The following RNF220 variants were observed in gnomAD, a reference collection of about 807,000 sequenced individuals.
RNF220 encodes ring finger protein 220.
RNF220 carries 7 observed loss-of-function variants against 67.1 expected under a neutral mutation model. The ratio of observed to expected loss-of-function variants is 0.10; its 90% CI spans 0.06 to 0.20. RNF220 has a LOEUF of 0.20. Among genes scored for constraint, RNF220 ranks in the 10% least tolerant of loss-of-function variants. The pLI is 1.00. For missense variants in RNF220, 565 were observed against 740.3 expected, an observed-to-expected ratio of 0.76 and a Z score of 2.75; for synonymous variants, 270 against 283.2, an observed-to-expected ratio of 0.95 and a Z score of 0.47.
chr1:44,444,842 T>A (rs1433006137), intron 2 of RNF220, among the ~76,000 whole-genome samples: 1 of 152,222 alleles, frequency 6.6e-6, no homozygotes, highest in East Asian at 1.9e-4. Context: ...TTTATGTGTA[T>A]CCTGGTGTAC....
chr1:44,419,429 TAAGTA>T (rs1648966760), intron 2 of RNF220: 1 of 152,236 alleles, frequency 6.6e-6, no homozygotes, highest in Non-Finnish European at 1.5e-5. Context: ...TGGTAGATGC[TAAGTA>T]AACAGAAGGA....
intron 2 of RNF220, among the ~76,000 whole-genome samples, chr1:44,583,507 C>T (rs1465665481): frequency 6.6e-6 from 1 of 152,182 alleles, no homozygotes; most frequent in Non-Finnish European, 1.5e-5. Context: ...TGTCCCTATT[C>T]CAAATGTTTT....
At chr1:44,482,920 CTTTTTTTTTTTTTT>C (rs34268893) in intron 2 of RNF220, among the ~76,000 whole-genome samples, 5 of 69,156 alleles carry the variant, frequency 7.2e-5, no homozygotes, top group South Asian at 6.1e-4. Context: ...CACACCCAGC[CTTTTTTTTTTTTTT>C]TTTTTTTTTT....
intron 5 of RNF220, 38 bp from the exon 6 acceptor site, chr1:44,632,305 C>G (rs780269528): frequency 1.9e-6 from 3 of 1,613,980 alleles, no homozygotes; most frequent in South Asian, 1.1e-5. Context: ...CTGACGCTCT[C>G]TTTTCTTTTC....
intron 2 of RNF220, among the ~76,000 whole-genome samples, chr1:44,582,499 G>A (rs1357735159): frequency 6.6e-6 from 1 of 152,212 alleles, no homozygotes; most frequent in Non-Finnish European, 1.5e-5. Flanking sequence ...GCTCACGCCT[G>A]TAATCCCAGC....
At chr1:44,468,900 G>C (rs575292248) in intron 2 of RNF220, among the ~76,000 whole-genome samples, 46 of 149,032 alleles carry the variant, frequency 3.1e-4, no homozygotes, top group Middle Eastern at 3.5e-3. Context: ...CTGGGCAACA[G>C]AGCGAGACTC....
At chr1:44,414,898 C>T (rs1196650712) in intron 2 of RNF220, among the ~76,000 whole-genome samples, 1 of 150,278 alleles carries the variant, frequency 6.7e-6, no homozygotes, top group Admixed American at 6.7e-5. Context: ...GGAGGGTGTT[C>T]GTACACCCTC....
chr1:44,453,337 T>C (rs1321944585), intron 2 of RNF220, among the ~76,000 whole-genome samples: 2 of 152,188 alleles, frequency 1.3e-5, no homozygotes, highest in Non-Finnish European at 2.9e-5. Context: ...CCATATTTAG[T>C]AGTTGCAACT....
chr1:44,583,437 A>T (rs186708401), intron 2 of RNF220, among the ~76,000 whole-genome samples: 1 of 152,336 alleles, frequency 6.6e-6, no homozygotes, highest in Non-Finnish European at 1.5e-5. Flanking sequence ...GTTCAAACAG[A>T]TACTAGAAAT....
chr1:44,479,991 A>C (rs898374519), intron 2 of RNF220, among the ~76,000 whole-genome samples: 1 of 152,234 alleles, frequency 6.6e-6, no homozygotes, highest in African/African-American at 2.4e-5. Context: ...AAATAATACA[A>C]GTTGCTATTA....
At chr1:44,446,014 A>G (rs140844604) in intron 2 of RNF220, among the ~76,000 whole-genome samples, 1 of 152,296 alleles carries the variant, frequency 6.6e-6, no homozygotes, top group Non-Finnish European at 1.5e-5. Flanking sequence ...TTAGACTGTA[A>G]ATTCCTTGAG....
chr1:44,500,902 G>T (rs1018226859), intron 2 of RNF220, among the ~76,000 whole-genome samples: 2 of 152,244 alleles, frequency 1.3e-5, no homozygotes, highest in Non-Finnish European at 2.9e-5. Flanking sequence ...GGGCTCGGGA[G>T]CCAGGGGCGA....
At chr1:44,608,743 G>A (rs1035518633) in intron 2 of RNF220, among the ~76,000 whole-genome samples, 1 of 152,216 alleles carries the variant, frequency 6.6e-6, no homozygotes, top group African/African-American at 2.4e-5. Context: ...AGATATATGG[G>A]TAATGATGGA....
chr1:44,550,774 GT>G (rs1662564210), intron 2 of RNF220, among the ~76,000 whole-genome samples: 1 of 152,178 alleles, frequency 6.6e-6, no homozygotes, highest in Non-Finnish European at 1.5e-5. Context: ...GAGTGTATGT[GT>G]AGCTTCAGCA....
In RNF220 at chr1:44,549,237, T is replaced by C. The variant is rs903444356; in HGVS notation, c.626-64928T>C. 4.6e-5 allele frequency among the ~76,000 whole-genome samples: 7 copies of C among 152,148 alleles called. 1 individual carries two copies. The highest frequency in any genetic ancestry group is 1.4e-4 in the African/African-American group (6 of 41,438). On this transcript the variant is annotated intron_variant, in intron 2 of 14. Transcript: ENST00000361799. ...AAACAGCTATGATGTAGCATTGCAA[T>C]GTTGATATACAAGGCCATCTTTCCC...
At chr1:44,469,937 C>T (rs1654653807) in intron 2 of RNF220, among the ~76,000 whole-genome samples, 1 of 152,278 alleles carries the variant, frequency 6.6e-6, no homozygotes, top group East Asian at 1.9e-4. Flanking sequence ...GGAGTTCTTA[C>T]TCTTAAGAAC....
intron 2 of RNF220, among the ~76,000 whole-genome samples, chr1:44,592,774 CATGCTTCCAG>C (rs1330005814): frequency 1.3e-5 from 2 of 152,148 alleles, no homozygotes; most frequent in African/African-American, 4.8e-5. Context: ...CATGGCTAGC[CATGCTTCCAG>C]GTGCTTTCAA....
chr1:44,490,745 A>G (rs1417908242), intron 2 of RNF220, among the ~76,000 whole-genome samples: 1 of 152,092 alleles, frequency 6.6e-6, no homozygotes, highest in Admixed American at 6.6e-5. Flanking sequence ...ATGAGATCAT[A>G]AATAAATGAA....
chr1:44,405,174 TGTGA>T (rs1218549361), upstream of RNF220: 22 of 274,882 alleles, frequency 8.0e-5, no homozygotes, highest in South Asian at 2.4e-4. Context: ...CCTGTATGTG[TGTGA>T]GTGTGAGAGA....
Sources: allele counts gnomAD v4.1 joint callset (sites outside exome capture counted in the v4.1 genomes callset), GRCh38; gene constraint gnomAD v4.1.1; transcripts MANE v1.5; gene names NCBI Gene and HGNC (gene_info 2026-07-23, HGNC 2026-07-21).